BCL7C: variants seen among roughly 807,000 people sequenced by gnomAD.
BCL7C encodes the protein BAF chromatin remodeling complex subunit BCL7C, also known as B-cell CLL/lymphoma 7 protein family member C.
In BCL7C, 8 loss-of-function variants were observed where a neutral mutation model predicts 26.2. The ratio of observed to expected loss-of-function variants is 0.30; its 90% CI spans 0.18 to 0.55. The LOEUF is 0.55. BCL7C is among the 20% of genes least tolerant of loss of function. BCL7C has a pLI of 0.93. For missense variants in BCL7C, 262 were observed against 298.5 expected, an observed-to-expected ratio of 0.88 and a Z score of 0.90; for synonymous variants, 90 against 116.5, an observed-to-expected ratio of 0.77 and a Z score of 1.47.
At chr16:30,842,990 A>T (rs2054611962) in intron 5 of BCL7C, among the ~76,000 whole-genome samples, 1 of 152,176 alleles carries the variant, frequency 6.6e-6, no homozygotes, top group Non-Finnish European at 1.5e-5. Context: ...TCTGTTTTTT[A>T]AAAAAAGTTA....
chr16:30,875,838 T>C (rs1390386410), intron 5 of BCL7C: 3 of 152,248 alleles, frequency 2.0e-5, no homozygotes, highest in Admixed American at 6.5e-5. Context: ...TTCCCGCTGC[T>C]CCTGATGTGG....
chr16:30,838,238 T>C (rs1159928055), intron 5 of BCL7C, among the ~76,000 whole-genome samples: 1 of 152,214 alleles, frequency 6.6e-6, no homozygotes, highest in East Asian at 1.9e-4. Context: ...AAAGCCTCAG[T>C]TTTCTTATTT....
At chr16:30,862,956 C>T (rs1319431812) in intron 5 of BCL7C, among the ~76,000 whole-genome samples, 1 of 152,224 alleles carries the variant, frequency 6.6e-6, no homozygotes, top group African/African-American at 2.4e-5. Context: ...TGATTACACA[C>T]AGCTGAAGTG....
chr16:30,885,830 C>T (rs1191163588), downstream of BCL7C, among the ~76,000 whole-genome samples: 3 of 152,198 alleles, frequency 2.0e-5, no homozygotes, highest in Non-Finnish European at 4.4e-5. Context: ...ACCACTGCAG[C>T]TGCTGTCGGA....
At chr16:30,892,221 T>C (rs2055251619) in intron 4 of BCL7C, among the ~76,000 whole-genome samples, 1 of 123,702 alleles carries the variant, frequency 8.1e-6, no homozygotes, top group Non-Finnish European at 1.5e-5. Context: ...TGAGCTATGA[T>C]CACACCACTA....
chr16:30,893,765 G>C lies in BCL7C; in HGVS notation c.92+88C>G. 1 of 1,197,888 alleles carries C rather than the reference G, an allele frequency of 8.3e-7. No individual in the cohort carries two copies. The highest frequency in any genetic ancestry group is 1.2e-6 in the Non-Finnish European group (1 of 826,918). 74.2% of individuals were successfully genotyped at this position (1,197,888 alleles called of 1,614,324 possible). A position where few individuals can be genotyped will look rare whatever the true frequency, so the allele number is the denominator to read the frequency against. On this transcript the variant is annotated intron_variant, in intron 1 of 5. Transcript: ENST00000215115. The surrounding 1 kb of genome is among the most constrained non-coding windows in gnomAD (Gnocchi z 5.2). Reference sequence around the variant, plus strand: ...GTGGGTGGAGATACACCGAACACCCGGGGCCCAGAGCTGGCGAGGGCAGCG... The same window carrying C: ...GTGGGTGGAGATACACCGAACACCCCGGGCCCAGAGCTGGCGAGGGCAGCG...
At chr16:30,846,220 A>ATTTATTTATTTG (rs2054634461) in intron 5 of BCL7C, among the ~76,000 whole-genome samples, 1 of 145,690 alleles carries the variant, frequency 6.9e-6, no homozygotes, top group Non-Finnish European at 1.5e-5. Context: ...TTATTTATTT[A>ATTTATTTATTTG]TTTATTTATT....
intron 4 of BCL7C, among the ~76,000 whole-genome samples, chr16:30,891,639 T>A (rs1219233677): frequency 1.3e-5 from 2 of 152,022 alleles, no homozygotes; most frequent in East Asian, 3.9e-4. Flanking sequence ...CTACTATGTG[T>A]CCCATATTAT....
At chr16:30,844,505 G>A (rs1010540088) in intron 5 of BCL7C, among the ~76,000 whole-genome samples, 2 of 152,198 alleles carry the variant, frequency 1.3e-5, no homozygotes, top group East Asian at 1.9e-4. Flanking sequence ...GTCATTCTCC[G>A]AGATCCATCT....
intron 5 of BCL7C, among the ~76,000 whole-genome samples, chr16:30,879,700 A>AAAAAAAAACAAAAAC (rs2055011461): frequency 7.4e-6 from 1 of 135,004 alleles, no homozygotes; most frequent in Non-Finnish European, 1.7e-5. Context: ...AAAAAAAAAA[A>AAAAAAAAACAAAAAC]AAAAAAAAAC....
rs538125252 is a variant in BCL7C at position 30,882,353 on chromosome 16, GC to G, written c.528+6506del. On this transcript the variant is annotated intron_variant, in intron 5 of 5. Transcript: ENST00000380317. ...TTGCTATGAATAAAGGGAATCCTCT[GC>G]CCTCCTGGGGCTTGCAGGCTGGTGC... Among the ~76,000 whole-genome samples, 301 of 152,264 alleles carry G rather than the reference GC, an allele frequency of 2.0e-3. 2 individuals are homozygous for G. Among genetic ancestry groups the G allele is most frequent in the Non-Finnish European group, 2.5e-3 (170 of 68,016 alleles).
At position 30,893,517 on chromosome 16, in the gene BCL7C, G is replaced by A. The variant is rs1213295588; in HGVS notation, c.93-227C>T. ...TATGATTTGGGGCCCTGGCTCTGCG[G>A]ACCCCTGGGGCACACATGGGGGGCG... is the stretch of plus-strand genomic sequence containing the variant. On this transcript the variant is annotated intron_variant, in intron 1 of 5. Coordinates refer to ENST00000215115, the MANE Select transcript of BCL7C (RefSeq NM_004765.4). The surrounding 1 kb of genome is among the most constrained non-coding windows in gnomAD (Gnocchi z 5.2). Among the ~76,000 whole-genome samples the A allele has an allele frequency of 1.3e-5, 2 of 152,098 alleles. No individual in the cohort carries two copies. Among genetic ancestry groups the A allele is most frequent in the Non-Finnish European group, 2.9e-5 (2 of 67,980 alleles).
intron 5 of BCL7C, among the ~76,000 whole-genome samples, chr16:30,876,631 C>G (rs1409989827): frequency 6.6e-6 from 1 of 151,954 alleles, no homozygotes; most frequent in African/African-American, 2.4e-5. Flanking sequence ...TAACCAGGGA[C>G]CTGACCTAGT....
At chr16:30,864,869 C>T (rs2054811127) in intron 5 of BCL7C, among the ~76,000 whole-genome samples, 1 of 125,624 alleles carries the variant, frequency 8.0e-6, no homozygotes, top group African/African-American at 3.0e-5. Context: ...TAAGAAGGTA[C>T]TTTGTAATAT....
intron 5 of BCL7C, among the ~76,000 whole-genome samples, chr16:30,844,662 G>A (rs970519177): frequency 2.2e-4 from 34 of 152,152 alleles, no homozygotes; most frequent in African/African-American, 7.2e-4. Flanking sequence ...TCTCTGTAGG[G>A]AGGGGAAGTT....
intron 5 of BCL7C, among the ~76,000 whole-genome samples, chr16:30,846,286 C>T (rs917620381): frequency 9.4e-5 from 14 of 149,272 alleles, no homozygotes; most frequent in East Asian, 6.0e-4. Flanking sequence ...AGTGCAGTGG[C>T]GCGATCTCAG....
intron 4 of BCL7C, among the ~76,000 whole-genome samples, chr16:30,889,917 C>A (rs2143159710): frequency 6.8e-6 from 1 of 146,150 alleles, no homozygotes; most frequent in East Asian, 2.0e-4. Flanking sequence ...CAGAGTGAGA[C>A]CTTGTCTCAA....
chr16:30,888,887 C>T lies in BCL7C; in HGVS notation c.501G>A (p.Glu167=). The change falls in exon 5 of 6, where the codon GAG becomes GAA. Residue 167 remains glutamate (E), a synonymous_variant. Transcript: ENST00000215115. The part of the protein sequence containing the change: ...TDEPPMLTKE[E]PVPELLEAEA... ...CAGCTTCCAGCAGTTCTGGAACAGGCTCCTCCTTGGTCAGCATTGGGGGTT... is the reference window on the plus strand; with the variant it reads ...CAGCTTCCAGCAGTTCTGGAACAGGTTCCTCCTTGGTCAGCATTGGGGGTT... 6.2e-7 allele frequency: 1 copy of T among 1,614,092 alleles called. No individual in the cohort carries two copies. Among genetic ancestry groups the T allele is most frequent in the Non-Finnish European group, 8.5e-7 (1 of 1,179,978 alleles).
rs2055307272 is a variant in BCL7C at position 30,894,047 on chromosome 16, GT to G, written c.-104del. Reference sequence around the variant, plus strand: ...CCGGGCGCCGCGCTCTCGGCCTGCCGTCCCCCCTGGAGTTGGCCGCGCCCTC... The same window carrying G: ...CCGGGCGCCGCGCTCTCGGCCTGCCGCCCCCCTGGAGTTGGCCGCGCCCTC... On this transcript the variant is annotated 5_prime_UTR_variant, in exon 1 of 6. Coordinates refer to ENST00000215115, the MANE Select transcript of BCL7C (RefSeq NM_004765.4). 1.2e-5 allele frequency: 4 copies of G among 326,666 alleles called. No homozygotes were observed. The highest frequency in any genetic ancestry group is 2.2e-5 in the African/African-American group (1 of 44,484). 20.2% of individuals were successfully genotyped at this position (326,666 alleles called of 1,614,324 possible).
Sources: allele counts gnomAD v4.1 joint callset (sites outside exome capture counted in the v4.1 genomes callset), GRCh38; gene constraint gnomAD v4.1.1; non-coding constraint Gnocchi (gnomAD v3.1); transcripts MANE v1.5; gene names NCBI Gene and HGNC (gene_info 2026-07-23, HGNC 2026-07-21).